The following NUDT6 variants were observed in gnomAD, a reference collection of about 807,000 sequenced individuals.
NUDT6 encodes FAD diphosphatase NUDT6.
In NUDT6, 24 loss-of-function variants were observed where a neutral mutation model predicts 36.8. The observed-to-expected ratio is 0.65, with a 90% CI of 0.47 to 0.92. The LOEUF (loss-of-function observed/expected upper bound fraction) is 0.92. NUDT6 is among the 40% of genes least tolerant of loss of function. The pLI, the probability that NUDT6 is intolerant of heterozygous loss-of-function variation, is 0.00. For missense variants in NUDT6, 388 were observed against 392.8 expected, an observed-to-expected ratio of 0.99 and a Z score of 0.10; for synonymous variants, 163 against 157.0, an observed-to-expected ratio of 1.04 and a Z score of -0.29.
At chr4:122,919,754 A>C (rs552244108) in intron 1 of NUDT6, 12 of 152,324 alleles carry the variant, frequency 7.9e-5, no homozygotes, top group Non-Finnish European at 1.6e-4. Flanking sequence ...ACCATTATGA[A>C]TTTAAAGACT....
At chr4:122,900,644 G>A (rs886169341) in intron 3 of NUDT6, among the ~76,000 whole-genome samples, 1 of 151,828 alleles carries the variant, frequency 6.6e-6, no homozygotes, top group Non-Finnish European at 1.5e-5. Flanking sequence ...TGTAAAAGTC[G>A]ATTTGATATT....
In NUDT6 at chr4:122,917,654, T is replaced by A. The variant is rs777754682; in HGVS notation, c.289A>T (p.Ile97Phe). The A allele has an allele frequency of 1.2e-6, 2 of 1,614,044 alleles. No individual in the cohort carries two copies. Among genetic ancestry groups the A allele is most frequent in the Non-Finnish European group, 1.7e-6 (2 of 1,180,032 alleles). The change falls in exon 2 of 5, where the codon ATT becomes TTT. Residue 97 changes from isoleucine to phenylalanine, a missense_variant. Ile to Phe is a conservative substitution (Grantham distance 21). Transcript: ENST00000304430. Reference protein sequence around the residue: ...SEGRTAVWLHIPILQSRFIAP... With the variant: ...SEGRTAVWLHFPILQSRFIAP... ...ATAAATCGGCTTTGGAGGATGGGAA[T>A]GTGCAGCCATACAGCTGTTCTACCT...
At chr4:122,918,824 T>C (rs1444961484) in intron 1 of NUDT6, 1 of 152,228 alleles carries the variant, frequency 6.6e-6, no homozygotes, top group Admixed American at 6.5e-5. Flanking sequence ...TGATGACATC[T>C]TTTAAAAATT....
At chr4:122,911,585 C>T (rs926027972) in intron 3 of NUDT6, among the ~76,000 whole-genome samples, 1 of 152,130 alleles carries the variant, frequency 6.6e-6, no homozygotes, top group African/African-American at 2.4e-5. Flanking sequence ...TTACTTGGAG[C>T]CATAAGAATA....
At chr4:122,914,959 C>T (rs1178685715) in intron 2 of NUDT6, among the ~76,000 whole-genome samples, 1 of 151,916 alleles carries the variant, frequency 6.6e-6, no homozygotes, top group Non-Finnish European at 1.5e-5. Context: ...AAACATAGAG[C>T]TGGATAAAGG....
At chr4:122,920,458 G>A (rs1727949238) in intron 1 of NUDT6, 1 of 152,196 alleles carries the variant, frequency 6.6e-6, no homozygotes, top group African/African-American at 2.4e-5. Context: ...AATATAACAA[G>A]TATTTGGTAC....
intron 3 of NUDT6, among the ~76,000 whole-genome samples, chr4:122,899,044 ATTTTTT>A (rs113708696): frequency 2.9e-5 from 2 of 69,426 alleles, no homozygotes; most frequent in African/African-American, 9.1e-5. Context: ...ACCACACCTA[ATTTTTT>A]TTTTTTTTTT....
intron 3 of NUDT6, among the ~76,000 whole-genome samples, chr4:122,910,920 C>T (rs1266132859): frequency 1.3e-5 from 2 of 152,074 alleles, no homozygotes; most frequent in Admixed American, 1.3e-4. Context: ...TGATCTACTT[C>T]TTCTTTAAAT....
At chr4:122,896,373 T>C (rs7655413) in intron 4 of NUDT6, 64,075 of 152,326 alleles carry the variant, frequency 0.42, 14,048 homozygotes, top group South Asian at 0.62. Flanking sequence ...AAAATCAATT[T>C]ATTTGAAAAG....
At position 122,907,449 on chromosome 4, in the gene NUDT6, CT is replaced by C. The variant is rs374300011; in HGVS notation, c.498+5118del. ...CGCACCTGGCCTATTTCTTTACTTT[CT>C]TTTTTTTTTTTTTTTTCTGAGACAG... is the stretch of plus-strand genomic sequence containing the variant. On this transcript the variant is annotated intron_variant, in intron 3 of 4. Coordinates refer to ENST00000304430, the MANE Select transcript of NUDT6 (RefSeq NM_007083.5). 3.9e-4 allele frequency among the ~76,000 whole-genome samples: 49 copies of C among 125,390 alleles called. 1 individual carries two copies. Among genetic ancestry groups the C allele is most frequent in the African/African-American group, 1.0e-3 (34 of 33,534 alleles). The allele number at this position is 125,390 out of a possible 152,430, so 82.3% of individuals were successfully genotyped here. A position where few individuals can be genotyped will look rare whatever the true frequency, so the allele number is the denominator to read the frequency against.
rs1399922115 is a variant in NUDT6, at chr4:122,917,502, T to C, written c.441A>G (p.Ala147=). ...GCTCATCATGAGTTTGAAACTGACC[T>C]GCAACTCCTACTTGATGTGAAGCAT... The part of the protein sequence containing the change: ...PGYASHQVGV[A]GAVFDESTRK... Residue 147 remains alanine, a splice_region_variant and synonymous_variant, in exon 2 of 5, where the codon GCA becomes GCG. Coordinates refer to ENST00000304430, the MANE Select transcript of NUDT6 (RefSeq NM_007083.5). 2.5e-6 allele frequency: 4 copies of C among 1,613,686 alleles called. No homozygotes were observed. The highest frequency in any genetic ancestry group is 2.7e-5 in the African/African-American group (2 of 74,912).
At chr4:122,908,657 A>T (rs1468006019) in intron 3 of NUDT6, among the ~76,000 whole-genome samples, 1 of 152,206 alleles carries the variant, frequency 6.6e-6, no homozygotes, top group Admixed American at 6.5e-5. Flanking sequence ...CATTTCCCAG[A>T]CCAAGGTCAT....
chr4:122,897,398 A>ATGTT, intron 4 of NUDT6: 1 of 530,448 alleles, frequency 1.9e-6, no homozygotes, highest in Non-Finnish European at 3.4e-6. Context: ...AAACAGAAGA[A>ATGTT]TAGGTGGTAT....
At chr4:122,903,713 A>G (rs1196571402) in intron 3 of NUDT6, among the ~76,000 whole-genome samples, 5 of 152,124 alleles carry the variant, frequency 3.3e-5, no homozygotes, top group Non-Finnish European at 7.4e-5. Flanking sequence ...TAGCTCCTTA[A>G]TGTGGGCCTT....
intron 3 of NUDT6, among the ~76,000 whole-genome samples, chr4:122,907,624 G>A (rs373362443): frequency 2.0e-5 from 3 of 151,256 alleles, no homozygotes; most frequent in Admixed American, 6.6e-5. Context: ...CTAATTTTTT[G>A]TATTTTTAGT....
intron 3 of NUDT6, among the ~76,000 whole-genome samples, chr4:122,899,626 A>G (rs1466605018): frequency 6.6e-6 from 1 of 152,154 alleles, no homozygotes; most frequent in Non-Finnish European, 1.5e-5. Context: ...ATATCAAACA[A>G]TTCCCATTAG....
At position 122,922,579 on chromosome 4, in the gene NUDT6, G is replaced by T. The variant is rs777532236; in HGVS notation, c.-7C>A. Reference sequence around the variant, plus strand: ...AGCTCAGTGGCTGCCGCATCTCCACGCCGCTTAATTCGTCCGTTGCCCAAA... The same window carrying T: ...AGCTCAGTGGCTGCCGCATCTCCACTCCGCTTAATTCGTCCGTTGCCCAAA... On this transcript the variant is annotated 5_prime_UTR_variant, in exon 1 of 5. Transcript: ENST00000304430. 8 of 1,590,066 alleles carry T rather than the reference G, an allele frequency of 5.0e-6. No individual in the cohort carries two copies. The Admixed American group carries it at 6.8e-5, about 13-fold the overall frequency.
intron 1 of NUDT6, chr4:122,920,401 C>G (rs1314339017): frequency 6.6e-6 from 1 of 152,144 alleles, no homozygotes; most frequent in Non-Finnish European, 1.5e-5. Flanking sequence ...TTATAAAGAT[C>G]CTAAAACATC....
chr4:122,906,671 A>G (rs1295503109), intron 3 of NUDT6, among the ~76,000 whole-genome samples: 2 of 152,156 alleles, frequency 1.3e-5, no homozygotes, highest in Non-Finnish European at 2.9e-5. Context: ...TAAAGAGGCT[A>G]GGTAAAATAA....
Sources: gnomAD v4.1 joint callset for allele counts (sites outside exome capture counted in the v4.1 genomes callset) on GRCh38, gnomAD v4.1.1 for gene constraint, MANE v1.5 for transcripts, NCBI Gene and HGNC (gene_info 2026-07-23, HGNC 2026-07-21) for gene names.